Variants in TRPM3 observed in about 807,000 individuals in gnomAD.
TRPM3 encodes the protein transient receptor potential cation channel subfamily M member 3.
Under a neutral mutation model 181.2 loss-of-function variants are expected in TRPM3, and 77 were observed. That is an observed-to-expected ratio of 0.42 (90% CI 0.35 to 0.51). The LOEUF (loss-of-function observed/expected upper bound fraction) is 0.51. Ranked by LOEUF, TRPM3 falls within the 20% of genes least tolerant of loss-of-function variation. The pLI, the probability that TRPM3 is intolerant of heterozygous loss-of-function variation, is 0.01. For synonymous variants in TRPM3, 745 were observed against 796.4 expected, an observed-to-expected ratio of 0.94 and a Z score of 1.09; for missense variants, 1,759 against 2,196.7, an observed-to-expected ratio of 0.80 and a Z score of 3.98.
At chr9:71,291,462 T>C (rs1198308171) in intron 1 of TRPM3, among the ~76,000 whole-genome samples, 1 of 152,122 alleles carries the variant, frequency 6.6e-6, no homozygotes, top group African/African-American at 2.4e-5. Flanking sequence ...GAATTGCTCA[T>C]AAAAGCCAAT....
chr9:71,429,561 AT>A (rs1468807717), intron 1 of TRPM3, among the ~76,000 whole-genome samples: 2 of 152,218 alleles, frequency 1.3e-5, no homozygotes, highest in African/African-American at 4.8e-5. Flanking sequence ...TGTAGTTGGA[AT>A]CTGCAAATAC....
chr9:70,896,199 T>C (rs566554793), intron 1 of TRPM3, among the ~76,000 whole-genome samples: 24 of 152,310 alleles, frequency 1.6e-4, no homozygotes, highest in African/African-American at 5.8e-4. Flanking sequence ...TGGTGCAGGC[T>C]GTTGTTATTT....
intron 3 of TRPM3, among the ~76,000 whole-genome samples, chr9:70,858,941 C>G (rs189692952): frequency 6.6e-6 from 1 of 152,070 alleles, no homozygotes; most frequent in Non-Finnish European, 1.5e-5. Context: ...AGGTCAGGGG[C>G]GGGTATGTAC....
At chr9:70,869,177 C>G (rs1382587288) in intron 1 of TRPM3, 1 of 422,716 alleles carries the variant, frequency 2.4e-6, no homozygotes. Context: ...GCAGATTAGC[C>G]CCTTGGAATG....
intron 8 of TRPM3, among the ~76,000 whole-genome samples, chr9:70,749,736 C>T (rs2075798362): frequency 6.6e-6 from 1 of 152,120 alleles, no homozygotes; most frequent in South Asian, 2.1e-4. Flanking sequence ...CTGGAGAAGG[C>T]AACAAATTGG....
intron 1 of TRPM3, among the ~76,000 whole-genome samples, chr9:71,429,347 A>G (rs1040952028): frequency 6.6e-6 from 1 of 152,228 alleles, no homozygotes; most frequent in Non-Finnish European, 1.5e-5. Context: ...CGCTGATTTC[A>G]AACCTAAACT....
chr9:70,864,627 A>C (rs2095607469), intron 1 of TRPM3, 116 bp from the exon 2 acceptor site: 2 of 531,846 alleles, frequency 3.8e-6, no homozygotes, highest in African/African-American at 2.0e-5. Context: ...CTAGTATATC[A>C]CAAATTGAAC....
intron 8 of TRPM3, among the ~76,000 whole-genome samples, chr9:70,751,542 G>A: frequency 6.6e-6 from 1 of 152,162 alleles, no homozygotes; most frequent in Admixed American, 6.6e-5. Context: ...GAAAAAAGAA[G>A]TTTCAGGTAA....
intron 1 of TRPM3, among the ~76,000 whole-genome samples, chr9:71,300,740 A>G (rs1387739538): frequency 1.3e-5 from 2 of 152,244 alleles, no homozygotes; most frequent in South Asian, 2.1e-4. Context: ...TTTTCTTACA[A>G]CTGTGTAAGC....
intron 1 of TRPM3, among the ~76,000 whole-genome samples, chr9:70,969,773 TATATATAC>T (rs890626735): frequency 6.9e-5 from 8 of 116,074 alleles, no homozygotes; most frequent in East Asian, 2.6e-4. Flanking sequence ...TATATATATA[TATATATAC>T]ACACACACAC....
chr9:71,005,863 G>A (rs2097667834), intron 1 of TRPM3, among the ~76,000 whole-genome samples: 1 of 152,052 alleles, frequency 6.6e-6, no homozygotes, highest in Non-Finnish European at 1.5e-5. Flanking sequence ...TAAGAATACA[G>A]ACAAATTCAA....
At chr9:71,331,643 G>T (rs572779919) in intron 1 of TRPM3, among the ~76,000 whole-genome samples, 2 of 149,608 alleles carry the variant, frequency 1.3e-5, no homozygotes, top group East Asian at 4.0e-4. Flanking sequence ...GAAAAAGGAG[G>T]AGGAAGAAGA....
In TRPM3 at chr9:70,533,736, TA is replaced by T. The variant is rs943137897; in HGVS notation, c.*2216del. On this transcript the variant is annotated 3_prime_UTR_variant, in exon 26 of 26. Transcript: ENST00000677713. The stretch of plus-strand genomic sequence containing the variant: ...GGGAAATAGCCAGCGTGGGGCCCAA[TA>T]AAATGTTAAGTGTTTCTAGAACAGC... The T allele has an allele frequency of 3.3e-5, 5 of 152,150 alleles. No homozygotes were observed. 9.4% of individuals were successfully genotyped at this position (152,150 alleles called of 1,614,324 possible).
intron 2 of TRPM3, among the ~76,000 whole-genome samples, 165 bp from the exon 3 acceptor site, chr9:70,863,277 T>G (rs1375855977): frequency 1.3e-5 from 2 of 152,122 alleles, no homozygotes; most frequent in African/African-American, 2.4e-5. Context: ...AACTCAGGCT[T>G]TCCATGATAT....
chr9:70,778,806 T>G (rs1485288264), intron 7 of TRPM3, among the ~76,000 whole-genome samples: 1 of 152,110 alleles, frequency 6.6e-6, no homozygotes, highest in Non-Finnish European at 1.5e-5. Context: ...CAGCTTTAGA[T>G]GGAAATCTCT....
chr9:71,272,875 A>AT (rs879522122), intron 1 of TRPM3, among the ~76,000 whole-genome samples: 12,245 of 142,850 alleles, frequency 0.086, 1,572 homozygotes, highest in African/African-American at 0.29. Flanking sequence ...GAAAGCGGTA[A>AT]TTTTTTTTTT....
intron 1 of TRPM3, among the ~76,000 whole-genome samples, chr9:71,358,520 C>T (rs2092003909): frequency 6.6e-6 from 1 of 152,162 alleles, no homozygotes; most frequent in Non-Finnish European, 1.5e-5. Context: ...TGCAAGCATA[C>T]CCATTTGCTC....
intron 1 of TRPM3, among the ~76,000 whole-genome samples, chr9:71,109,682 T>C (rs1207622142): frequency 6.6e-6 from 1 of 152,178 alleles, no homozygotes; most frequent in African/African-American, 2.4e-5. Flanking sequence ...TATTAATGCA[T>C]GATATAACTC....
chr9:71,444,758 A>G (rs1026051239), intron 1 of TRPM3, among the ~76,000 whole-genome samples: 3 of 152,236 alleles, frequency 2.0e-5, no homozygotes, highest in Non-Finnish European at 2.9e-5. Context: ...CTTTGTTAAC[A>G]ACTATAGAAT....
Sources: gnomAD v4.1 joint callset for allele counts (sites outside exome capture counted in the v4.1 genomes callset) on GRCh38, gnomAD v4.1.1 for gene constraint, MANE v1.5 for transcripts, NCBI Gene and HGNC (gene_info 2026-07-23, HGNC 2026-07-21) for gene names.